Variants in XRN2 observed in about 807,000 individuals in gnomAD.
The protein encoded by XRN2 is 5'-3' exoribonuclease 2.
In XRN2, 44 loss-of-function variants were observed where a neutral mutation model predicts 138.5. The observed-to-expected ratio is 0.32, with a 90% CI of 0.25 to 0.41. XRN2 has a LOEUF of 0.41. Ranked by LOEUF, XRN2 falls within the 10% of genes least tolerant of loss-of-function variation. The pLI is 1.00. For synonymous variants in XRN2, 354 were observed against 369.4 expected, an observed-to-expected ratio of 0.96 and a Z score of 0.48; for missense variants, 937 against 1,169.3, an observed-to-expected ratio of 0.80 and a Z score of 2.90.
intron 1 of XRN2, among the ~76,000 whole-genome samples, chr20:21,321,961 T>C (rs1183404779): frequency 6.6e-6 from 1 of 152,200 alleles, no homozygotes; most frequent in Admixed American, 6.5e-5. Flanking sequence ...ACTTTGAATC[T>C]AGTGAAATTA....
intron 1 of XRN2, among the ~76,000 whole-genome samples, chr20:21,310,920 T>G (rs989823368): frequency 3.3e-5 from 5 of 150,186 alleles, no homozygotes; most frequent in African/African-American, 9.8e-5. Flanking sequence ...AATTTTTTTG[T>G]TTTTTTTTAG....
At chr20:21,314,503 C>G (rs2037930366) in intron 1 of XRN2, among the ~76,000 whole-genome samples, 1 of 152,136 alleles carries the variant, frequency 6.6e-6, no homozygotes, top group Non-Finnish European at 1.5e-5. Flanking sequence ...CTGCCAGCCA[C>G]TTTCCCAGGT....
intron 9 of XRN2, among the ~76,000 whole-genome samples, 177 bp from the exon 10 acceptor site, chr20:21,333,367 A>G (rs1165864677): frequency 1.3e-5 from 2 of 152,202 alleles, no homozygotes; most frequent in Non-Finnish European, 2.9e-5. Context: ...CCTGATCTAG[A>G]CGTGGTTGAT....
chr20:21,303,704 C>T (rs2037772063), intron 1 of XRN2: 1 of 1,264,414 alleles, frequency 7.9e-7, no homozygotes, highest in African/African-American at 1.6e-5. Flanking sequence ...CTATAGGGTT[C>T]CGAACTCGCA....
chr20:21,379,317 T>C (rs1244161517), intron 27 of XRN2, among the ~76,000 whole-genome samples: 2 of 152,246 alleles, frequency 1.3e-5, no homozygotes, highest in African/African-American at 4.8e-5. Context: ...TAAGTTTGTT[T>C]TACCATCTAC....
chr20:21,336,648 G>A (rs1043687880), intron 13 of XRN2, among the ~76,000 whole-genome samples: 4 of 152,142 alleles, frequency 2.6e-5, no homozygotes, highest in Non-Finnish European at 4.4e-5. Context: ...AAACAAAAAA[G>A]GAGACAGAAA....
chr20:21,338,926 T>A, intron 13 of XRN2, 118 bp from the exon 14 acceptor site: 2 of 889,956 alleles, frequency 2.2e-6, no homozygotes, highest in Non-Finnish European at 3.6e-6. Context: ...ATCATGTACC[T>A]AGATTTCTGG....
intron 23 of XRN2, among the ~76,000 whole-genome samples, chr20:21,357,334 T>G (rs1193313358): frequency 6.6e-6 from 1 of 152,184 alleles, no homozygotes; most frequent in Non-Finnish European, 1.5e-5. Context: ...TATCTTCATT[T>G]TTTTTCTAGG....
chr20:21,376,855 A>C (rs748743495), intron 27 of XRN2, among the ~76,000 whole-genome samples: 3 of 152,166 alleles, frequency 2.0e-5, no homozygotes, highest in Admixed American at 6.5e-5. Context: ...AAGTGCCTGA[A>C]ATACTTTAGA....
chr20:21,359,409 G>A (rs888154796), intron 24 of XRN2, among the ~76,000 whole-genome samples: 1 of 151,742 alleles, frequency 6.6e-6, no homozygotes, highest in East Asian at 1.9e-4. Context: ...GGTGGTGCAT[G>A]CCTATAGTCC....
rs751559463 is a variant in XRN2, at chr20:21,326,295, G to C, written c.92G>C (p.Gly31Ala). 4.3e-6 allele frequency: 7 copies of C among 1,613,644 alleles called. No individual in the cohort carries two copies. In the South Asian group the frequency reaches 6.6e-5, roughly 15 times the overall value. Residue 31 changes from glycine (G) to alanine (A), a missense_variant, in exon 2 of 30, where the codon GGT becomes GCT. Coordinates refer to ENST00000377191, the MANE Select transcript of XRN2 (RefSeq NM_012255.5). ...TCCTCATAGCCAAAAGAATGCAATG[G>C]TGTAAAGATTCCAGTTGATGCCAGT... ...CVEEKPKECN[G>A]VKIPVDASKP...
chr20:21,351,634 T>C (rs1263826765), intron 20 of XRN2, among the ~76,000 whole-genome samples: 1 of 152,234 alleles, frequency 6.6e-6, no homozygotes, highest in Non-Finnish European at 1.5e-5. Flanking sequence ...CCTGTGCTTT[T>C]GGTGTCATAT....
At chr20:21,347,446 C>A (rs900945822) in intron 17 of XRN2, among the ~76,000 whole-genome samples, 9 of 152,102 alleles carry the variant, frequency 5.9e-5, no homozygotes, top group African/African-American at 2.2e-4. Flanking sequence ...TTTGGTGTGA[C>A]CTGGGAATAG....
At chr20:21,357,317 G>A (rs2038587657) in intron 23 of XRN2, among the ~76,000 whole-genome samples, 1 of 152,200 alleles carries the variant, frequency 6.6e-6, no homozygotes. Flanking sequence ...TGGCCATAGA[G>A]TATGTGTATC....
chr20:21,354,552 A>C (rs1028254685), intron 20 of XRN2, among the ~76,000 whole-genome samples: 1 of 152,234 alleles, frequency 6.6e-6, no homozygotes, highest in African/African-American at 2.4e-5. Context: ...TTCAGAAAAC[A>C]TGATTTTCCA....
At chr20:21,351,594 A>G (rs887879308) in intron 20 of XRN2, among the ~76,000 whole-genome samples, 1 of 152,108 alleles carries the variant, frequency 6.6e-6, no homozygotes, top group African/African-American at 2.4e-5. Context: ...TTTAATTTTG[A>G]TGAAATCAAG....
chr20:21,309,848 CTACT>C (rs2037855285), intron 1 of XRN2, among the ~76,000 whole-genome samples: 1 of 151,702 alleles, frequency 6.6e-6, no homozygotes, highest in African/African-American at 2.4e-5. Context: ...ACTTGTAATT[CTACT>C]TTCTTTGTTT....
At chr20:21,371,322 T>C (rs2038758621) in intron 27 of XRN2, among the ~76,000 whole-genome samples, 2 of 152,246 alleles carry the variant, frequency 1.3e-5, no homozygotes, top group South Asian at 4.1e-4. Context: ...TCTCTGTCTC[T>C]GTTCCTCTCT....
chr20:21,354,777 T>C lies in XRN2; in HGVS notation c.1937-12T>C. On this transcript the variant is annotated splice_polypyrimidine_tract_variant and intron_variant, in intron 20 of 29. Coordinates refer to ENST00000377191, the MANE Select transcript of XRN2 (RefSeq NM_012255.5). The stretch of plus-strand genomic sequence containing the variant: ...GGTAGCAGGGGTGGTTCATTTGCAC[T>C]TGTTTTTTCAGGTGTTGCTCTCTTG... 6.2e-7 allele frequency: 1 copy of C among 1,613,578 alleles called. No individual in the cohort carries two copies. The highest frequency in any genetic ancestry group is 1.1e-5 in the South Asian group (1 of 90,880).
Sources: gnomAD v4.1 joint callset for allele counts (sites outside exome capture counted in the v4.1 genomes callset) on GRCh38, gnomAD v4.1.1 for gene constraint, MANE v1.5 for transcripts, NCBI Gene and HGNC (gene_info 2026-07-23, HGNC 2026-07-21) for gene names.